Variants in KIAA1217 observed in about 807,000 individuals in gnomAD.
KIAA1217 encodes the protein sickle tail protein homolog.
A neutral mutation model predicts 163.9 loss-of-function variants in KIAA1217; 88 were observed. That is an observed-to-expected ratio of 0.54 (90% CI 0.45 to 0.64). The LOEUF is 0.64. KIAA1217 is among the 30% of genes least tolerant of loss of function. The pLI, the probability that KIAA1217 is intolerant of heterozygous loss-of-function variation, is 0.00. For synonymous variants in KIAA1217, 903 were observed against 923.1 expected (o/e 0.98, Z 0.39); for missense variants, 2,372 against 2,475.0 (o/e 0.96, Z 0.88).
At chr10:24,023,633 A>C (rs1847825711) in intron 2 of KIAA1217, among the ~76,000 whole-genome samples, 2 of 151,742 alleles carry the variant, frequency 1.3e-5, no homozygotes, top group African/African-American at 4.8e-5. Context: ...TCCTGCATAC[A>C]CTGAGAGACA....
At chr10:24,213,604 G>C (rs924253954) in intron 1 of KIAA1217, among the ~76,000 whole-genome samples, 12 of 152,122 alleles carry the variant, frequency 7.9e-5, no homozygotes, top group African/African-American at 2.9e-4. Flanking sequence ...CTCTATGAGG[G>C]CATTAAGTCT....
intron 1 of KIAA1217, among the ~76,000 whole-genome samples, chr10:23,924,420 A>G (rs1265300136): frequency 6.6e-6 from 1 of 152,210 alleles, no homozygotes; most frequent in Non-Finnish European, 1.5e-5. Flanking sequence ...CTCTATAAGA[A>G]GAAAATGTAG....
intron 1 of KIAA1217, among the ~76,000 whole-genome samples, chr10:23,763,395 G>C (rs1291004620): frequency 6.6e-6 from 1 of 152,140 alleles, no homozygotes; most frequent in Non-Finnish European, 1.5e-5. Flanking sequence ...AAACAGCATG[G>C]TACTGGTACC....
chr10:23,701,144 G>A (rs778138402), intron 1 of KIAA1217, among the ~76,000 whole-genome samples: 2 of 152,168 alleles, frequency 1.3e-5, no homozygotes, highest in Non-Finnish European at 2.9e-5. Flanking sequence ...TTATTATGGT[G>A]TCATCTCAGT....
intron 1 of KIAA1217, among the ~76,000 whole-genome samples, chr10:23,900,767 G>A (rs7475171): frequency 2.6e-5 from 4 of 152,094 alleles, no homozygotes; most frequent in Admixed American, 6.5e-5. Context: ...AGTGGAGGGC[G>A]AGAAATAGAC....
At chr10:23,986,662 T>C (rs1377092814) in intron 1 of KIAA1217, among the ~76,000 whole-genome samples, 1 of 152,204 alleles carries the variant, frequency 6.6e-6, no homozygotes, top group African/African-American at 2.4e-5. Flanking sequence ...GCCAACTCTA[T>C]GTCATGTCGC....
At chr10:23,987,065 T>C (rs1220239417) in intron 1 of KIAA1217, among the ~76,000 whole-genome samples, 3 of 152,112 alleles carry the variant, frequency 2.0e-5, no homozygotes, top group Non-Finnish European at 4.4e-5. Context: ...TTATGCCAGA[T>C]GTTAAAAAGG....
intron 3 of KIAA1217, among the ~76,000 whole-genome samples, chr10:24,384,089 G>A (rs982790920): frequency 6.6e-6 from 1 of 152,172 alleles, no homozygotes; most frequent in South Asian, 2.1e-4. Context: ...GCAACTCCAT[G>A]GGGCCTCAGA....
upstream of KIAA1217, among the ~76,000 whole-genome samples, chr10:24,204,024 A>G (rs1162967189): frequency 1.3e-5 from 2 of 152,234 alleles, no homozygotes; most frequent in Non-Finnish European, 2.9e-5. Context: ...AACCATAATA[A>G]AAACCAACAT....
chr10:24,324,478 A>G (rs560712322), intron 2 of KIAA1217, among the ~76,000 whole-genome samples: 2 of 152,056 alleles, frequency 1.3e-5, no homozygotes, highest in East Asian at 3.9e-4. Flanking sequence ...AAGGCAGGAG[A>G]ATTGCTTGAA....
chr10:23,850,627 G>A (rs1249746358), intron 1 of KIAA1217, among the ~76,000 whole-genome samples: 1 of 152,084 alleles, frequency 6.6e-6, no homozygotes, highest in South Asian at 2.1e-4. Context: ...ATTTGGTAGT[G>A]CTTTCAATTA....
intron 2 of KIAA1217, among the ~76,000 whole-genome samples, chr10:24,062,844 G>C (rs1053447832): frequency 3.9e-5 from 6 of 152,224 alleles, no homozygotes; most frequent in Non-Finnish European, 7.3e-5. Flanking sequence ...ATTGGTGTGA[G>C]ATGGTATCTC....
chr10:23,743,037 G>T (rs976805044), intron 1 of KIAA1217, among the ~76,000 whole-genome samples: 2 of 152,160 alleles, frequency 1.3e-5, no homozygotes, highest in African/African-American at 4.8e-5. Context: ...GGGTTGGATT[G>T]CCTGGGATCA....
At chr10:24,444,826 GC>G (rs2060789838) in intron 5 of KIAA1217, among the ~76,000 whole-genome samples, 1 of 152,006 alleles carries the variant, frequency 6.6e-6, no homozygotes, top group Non-Finnish European at 1.5e-5. Flanking sequence ...TAAATTTGTG[GC>G]CCACCCACAG....
At chr10:24,438,231 C>T (rs2060222696) in intron 4 of KIAA1217, among the ~76,000 whole-genome samples, 155 bp from the exon 5 acceptor site, 3 of 152,030 alleles carry the variant, frequency 2.0e-5, no homozygotes, top group Admixed American at 2.0e-4. Flanking sequence ...TTATAATTGC[C>T]TATTTTATGG....
At chr10:23,706,903 A>G (rs975712675) in intron 1 of KIAA1217, among the ~76,000 whole-genome samples, 5 of 152,186 alleles carry the variant, frequency 3.3e-5, no homozygotes, top group African/African-American at 1.2e-4. Flanking sequence ...AATAGATTCT[A>G]TAGTGGGCCA....
chr10:24,216,542 C>T (rs747934767), intron 1 of KIAA1217, among the ~76,000 whole-genome samples: 6 of 151,810 alleles, frequency 4.0e-5, no homozygotes, highest in Non-Finnish European at 8.8e-5. Context: ...AAGTCAATAG[C>T]ATTGCTGGGT....
At chr10:23,976,334 C>T (rs1366972951) in intron 1 of KIAA1217, among the ~76,000 whole-genome samples, 1 of 152,186 alleles carries the variant, frequency 6.6e-6, no homozygotes, top group Non-Finnish European at 1.5e-5. Context: ...AGAAGTTTAG[C>T]TGGACACATT....
At chr10:24,415,699 C>G (rs1358448323) in intron 3 of KIAA1217, among the ~76,000 whole-genome samples, 1 of 152,124 alleles carries the variant, frequency 6.6e-6, no homozygotes, top group Non-Finnish European at 1.5e-5. Flanking sequence ...AGACTGTGAT[C>G]TGAGCACTCA....
Sources: allele counts gnomAD v4.1 joint callset (sites outside exome capture counted in the v4.1 genomes callset), GRCh38; gene constraint gnomAD v4.1.1; transcripts MANE v1.5; gene names NCBI Gene and HGNC (gene_info 2026-07-23, HGNC 2026-07-21).